AK5: variants seen among roughly 807,000 people sequenced by gnomAD.
The protein encoded by AK5 is adenylate kinase 5.
In AK5, 27 loss-of-function variants were observed where a neutral mutation model predicts 69.5. That is an observed-to-expected ratio of 0.39 (90% CI 0.29 to 0.54). The LOEUF is 0.54. Ranked by LOEUF, AK5 falls within the 20% of genes least tolerant of loss-of-function variation. The pLI, the probability that AK5 is intolerant of heterozygous loss-of-function variation, is 0.71. For missense variants in AK5, 531 were observed against 700.4 expected, an observed-to-expected ratio of 0.76 and a Z score of 2.73; for synonymous variants, 260 against 244.4, an observed-to-expected ratio of 1.06 and a Z score of -0.60.
chr1:77,552,613 C>A (rs1659877408), intron 13 of AK5, among the ~76,000 whole-genome samples: 1 of 152,124 alleles, frequency 6.6e-6, no homozygotes, highest in Admixed American at 6.5e-5. Flanking sequence ...TTGTAATGAG[C>A]AAATGTGTTT....
chr1:77,426,579 A>C (rs958339493), intron 8 of AK5, among the ~76,000 whole-genome samples: 5 of 152,192 alleles, frequency 3.3e-5, no homozygotes, highest in Admixed American at 1.3e-4. Context: ...ATCCAACCAG[A>C]AGAAAATCAA....
chr1:77,402,438 C>T (rs12078902), intron 6 of AK5, among the ~76,000 whole-genome samples: 21,739 of 134,186 alleles, frequency 0.16, 2,019 homozygotes, highest in Middle Eastern at 0.27. Context: ...AATGCTATCC[C>T]TCCCCCCTCC....
intron 6 of AK5, among the ~76,000 whole-genome samples, chr1:77,394,888 A>G (rs1335356838): frequency 6.6e-6 from 1 of 151,998 alleles, no homozygotes; most frequent in Non-Finnish European, 1.5e-5. Flanking sequence ...TCAAGAATTT[A>G]CTGGGAAGTT....
intron 13 of AK5, among the ~76,000 whole-genome samples, chr1:77,546,337 T>C (rs1659543474): frequency 6.6e-6 from 1 of 152,214 alleles, no homozygotes; most frequent in South Asian, 2.1e-4. Context: ...CAGCAAAGAA[T>C]TGGCACCATT....
intron 9 of AK5, 79 bp downstream of exon 9, chr1:77,483,438 G>A (rs7515509): frequency 0.34 from 374,584 of 1,106,712 alleles, 67,234 homozygotes; most frequent in Non-Finnish European, 0.37. Context: ...ACATCAACTT[G>A]AGAGAAAAAA....
chr1:77,428,605 T>TA (rs397769740), intron 8 of AK5, among the ~76,000 whole-genome samples: 5 of 151,660 alleles, frequency 3.3e-5, no homozygotes, highest in East Asian at 1.9e-4. Flanking sequence ...CTTTTTTTTT[T>TA]AATTTTTTTA....
chr1:77,507,257 G>A (rs534027029), intron 10 of AK5, among the ~76,000 whole-genome samples: 1 of 152,336 alleles, frequency 6.6e-6, no homozygotes, highest in South Asian at 2.1e-4. Flanking sequence ...AAGGAGGTCT[G>A]TCTGATTTCC....
At chr1:77,511,122 C>A (rs1023459617) in intron 10 of AK5, among the ~76,000 whole-genome samples, 3 of 151,748 alleles carry the variant, frequency 2.0e-5, no homozygotes, top group Non-Finnish European at 4.4e-5. Context: ...TGCATCCAAC[C>A]TTTGTAAGAT....
At chr1:77,518,987 TC>T (rs1657829078) in intron 11 of AK5, among the ~76,000 whole-genome samples, 1 of 152,128 alleles carries the variant, frequency 6.6e-6, no homozygotes. Flanking sequence ...TTCACATTTT[TC>T]CCCTAAATTC....
At chr1:77,473,671 A>G (rs1044552561) in intron 8 of AK5, among the ~76,000 whole-genome samples, 2 of 152,202 alleles carry the variant, frequency 1.3e-5, no homozygotes, top group Non-Finnish European at 2.9e-5. Context: ...TCTTATATTC[A>G]TCATTTACAA....
At chr1:77,362,784 G>T (rs961621243) in intron 6 of AK5, among the ~76,000 whole-genome samples, 14 of 152,158 alleles carry the variant, frequency 9.2e-5, no homozygotes, top group Admixed American at 9.2e-4. Context: ...AAAGCATAAT[G>T]TTCAGTGTTG....
At chr1:77,439,144 G>C (rs146240715) in intron 8 of AK5, among the ~76,000 whole-genome samples, 20 of 152,154 alleles carry the variant, frequency 1.3e-4, no homozygotes, top group Non-Finnish European at 2.5e-4. Flanking sequence ...ATAAGAGAGA[G>C]AGAGACTCTC....
chr1:77,327,521 AG>A, intron 5 of AK5, among the ~76,000 whole-genome samples: 1 of 152,210 alleles, frequency 6.6e-6, no homozygotes, highest in Admixed American at 6.5e-5. Context: ...ATTATCGTCC[AG>A]TCATTTGACT....
intron 12 of AK5, among the ~76,000 whole-genome samples, chr1:77,533,453 T>G (rs2100350637): frequency 6.9e-6 from 1 of 144,474 alleles, no homozygotes; most frequent in African/African-American, 2.6e-5. Flanking sequence ...GAGGCAGAGG[T>G]TGCAGTGATC....
At chr1:77,290,712 A>G (rs553547355) in intron 2 of AK5, among the ~76,000 whole-genome samples, 1 of 152,186 alleles carries the variant, frequency 6.6e-6, no homozygotes, top group South Asian at 2.1e-4. Context: ...CAAAACCAGC[A>G]CTTACTTCTT....
intron 9 of AK5, among the ~76,000 whole-genome samples, chr1:77,485,845 G>A (rs567624958): frequency 2.1e-4 from 32 of 152,294 alleles, no homozygotes; most frequent in African/African-American, 7.7e-4. Context: ...AGCAGGGCAC[G>A]GTGGCTCACA....
At chr1:77,399,498 CTCAG>C (rs1022456750) in intron 6 of AK5, among the ~76,000 whole-genome samples, 1 of 152,120 alleles carries the variant, frequency 6.6e-6, no homozygotes, top group Non-Finnish European at 1.5e-5. Flanking sequence ...AATGCTTTCT[CTCAG>C]TCAAAGGGGA....
At chr1:77,450,089 T>C (rs1653046857) in intron 8 of AK5, among the ~76,000 whole-genome samples, 2 of 152,142 alleles carry the variant, frequency 1.3e-5, no homozygotes, top group Admixed American at 6.5e-5. Context: ...CAGTCTCTGC[T>C]AAAACAGCAA....
intron 2 of AK5, among the ~76,000 whole-genome samples, chr1:77,292,607 A>G (rs576496654): frequency 6.6e-6 from 1 of 152,322 alleles, no homozygotes; most frequent in East Asian, 1.9e-4. Context: ...AGAGGGAGCC[A>G]TAAACTATAT....
Sources: gnomAD v4.1 joint callset for allele counts (sites outside exome capture counted in the v4.1 genomes callset) on GRCh38, gnomAD v4.1.1 for gene constraint, MANE v1.5 for transcripts, NCBI Gene and HGNC (gene_info 2026-07-23, HGNC 2026-07-21) for gene names.